Variants in DLGAP2 observed in about 807,000 individuals in gnomAD.
The protein encoded by DLGAP2 is disks large-associated protein 2.
In DLGAP2, 26 loss-of-function variants were observed where a neutral mutation model predicts 100.3. That is an observed-to-expected ratio of 0.26 (90% CI 0.19 to 0.36). The LOEUF (loss-of-function observed/expected upper bound fraction) is 0.36, where lower values mean the gene tolerates loss of function less well. Ranked by LOEUF, DLGAP2 falls within the 10% of genes least tolerant of loss-of-function variation. DLGAP2 has a pLI of 1.00. For synonymous variants in DLGAP2, 886 were observed against 630.1 expected (o/e 1.41, Z -6.08); for missense variants, 1,858 against 1,453.2 (o/e 1.28, Z -4.53).
At chr8:1,073,018 A>G (rs929839993) in intron 2 of DLGAP2, among the ~76,000 whole-genome samples, 30 of 152,094 alleles carry the variant, frequency 2.0e-4, no homozygotes, top group African/African-American at 7.0e-4. Context: ...TGTACCTCTC[A>G]TTTGTACCTC....
At chr8:1,642,252 G>A (rs113297358) in intron 8 of DLGAP2, among the ~76,000 whole-genome samples, 2 of 72,812 alleles carry the variant, frequency 2.7e-5, no homozygotes, top group Non-Finnish European at 2.4e-5. Flanking sequence ...CCTCGACCCC[G>A]CCGGCCCTCA....
intron 3 of DLGAP2, among the ~76,000 whole-genome samples, chr8:1,330,994 A>G (rs549366528): frequency 3.0e-5 from 4 of 132,148 alleles, no homozygotes; most frequent in African/African-American, 5.3e-5. Context: ...GGGTGGGAGC[A>G]CCGCTTCATG....
chr8:1,141,408 T>G (rs1002126811), intron 2 of DLGAP2, among the ~76,000 whole-genome samples: 16 of 152,180 alleles, frequency 1.1e-4, no homozygotes, highest in Non-Finnish European at 2.2e-4. Context: ...ATTTTATGCT[T>G]AAAAACTCAC....
intron 1 of DLGAP2, among the ~76,000 whole-genome samples, chr8:901,521 C>G (rs78792384): frequency 0.14 from 20,566 of 152,118 alleles, 1,513 homozygotes; most frequent in East Asian, 0.31. Context: ...GGGGCGCAGG[C>G]GGAACATCCA....
At chr8:931,849 T>G (rs920551286) in intron 2 of DLGAP2, among the ~76,000 whole-genome samples, 4 of 152,166 alleles carry the variant, frequency 2.6e-5, no homozygotes, top group African/African-American at 9.7e-5. Context: ...AACAACATAA[T>G]GTATGTAAAA....
intron 2 of DLGAP2, among the ~76,000 whole-genome samples, chr8:1,252,654 C>G (rs532056320): frequency 6.6e-6 from 1 of 152,252 alleles, no homozygotes; most frequent in Non-Finnish European, 1.5e-5. Flanking sequence ...GTCATGGTTT[C>G]GTGCTCTGTG....
chr8:1,158,230 A>C (rs528367002), intron 2 of DLGAP2, among the ~76,000 whole-genome samples: 1 of 152,346 alleles, frequency 6.6e-6, no homozygotes, highest in Non-Finnish European at 1.5e-5. Context: ...GGCCAATATA[A>C]CTTTTTGAAT....
intron 2 of DLGAP2, among the ~76,000 whole-genome samples, chr8:1,167,911 A>G (rs1042402917): frequency 1.1e-4 from 16 of 152,074 alleles, no homozygotes; most frequent in African/African-American, 3.6e-4. Flanking sequence ...TTTAAGTTTT[A>G]GGGTACATGT....
At chr8:1,491,963 G>T (rs1799403875) in intron 3 of DLGAP2, among the ~76,000 whole-genome samples, 1 of 152,222 alleles carries the variant, frequency 6.6e-6, no homozygotes, top group South Asian at 2.1e-4. Flanking sequence ...AGTGCACCTG[G>T]TGACTGGAGC....
In DLGAP2 at chr8:904,591, C is replaced by T. The variant is rs142093317; in HGVS notation, c.19-3321C>T. On this transcript the variant is annotated intron_variant, in intron 1 of 14. Coordinates refer to ENST00000637795, the MANE Select transcript of DLGAP2 (RefSeq NM_001346810.2). ...CTGACCCGGGGGTGCTTCTTCTCCA[C>T]GTTCTGTGATTCTGCTTTCCTCAGA... Among the ~76,000 whole-genome samples the T allele has an allele frequency of 6.5e-3, 988 of 152,324 alleles. 16 individuals carry two copies. Among genetic ancestry groups the T allele is most frequent in the African/African-American group, 0.023 (956 of 41,582 alleles).
At chr8:1,392,221 G>C (rs185230117) in intron 3 of DLGAP2, among the ~76,000 whole-genome samples, 1 of 152,140 alleles carries the variant, frequency 6.6e-6, no homozygotes, top group Admixed American at 6.5e-5. Context: ...TGGACGGGGC[G>C]GCCTTGAAGT....
rs1459534518 is a variant in DLGAP2, at chr8:1,624,416, C to T, written c.1443-2324C>T. ...GCTCGGGCTCCATAGCTCGGGGCTT[C>T]GTCCGCTGCACATGACTCTGTATTA... On this transcript the variant is annotated intron_variant, in intron 6 of 14. Coordinates refer to ENST00000637795, the MANE Select transcript of DLGAP2 (RefSeq NM_001346810.2). 4.6e-5 allele frequency among the ~76,000 whole-genome samples: 7 copies of T among 152,090 alleles called. No homozygotes were observed. In the East Asian group the frequency reaches 1.2e-3, roughly 25 times the overall value.
At chr8:1,334,331 C>G (rs1048530763) in intron 3 of DLGAP2, among the ~76,000 whole-genome samples, 2 of 152,214 alleles carry the variant, frequency 1.3e-5, no homozygotes, top group Non-Finnish European at 2.9e-5. Context: ...ACCCAGCGTT[C>G]CTGGCGTCGG....
intron 1 of DLGAP2, among the ~76,000 whole-genome samples, chr8:893,913 C>T (rs1361090710): frequency 6.6e-6 from 1 of 152,238 alleles, no homozygotes; most frequent in East Asian, 1.9e-4. Flanking sequence ...CCCATGGTTA[C>T]TGTTGAAGCA....
chr8:1,411,627 T>C (rs36084381), intron 3 of DLGAP2, among the ~76,000 whole-genome samples: 42,763 of 152,152 alleles, frequency 0.28, 6,247 homozygotes, highest in East Asian at 0.4. Context: ...CCTCCTGGCC[T>C]GGTTTATCCT....
In DLGAP2 at chr8:1,706,807, G is replaced by C. The variant is rs1041930041; in HGVS notation, c.*5401G>C. ...AATCAGACACACTGACTCAAACCAC[G>C]CAAGGGTTTGAGAAGCCCACCCCTC... On this transcript the variant is annotated 3_prime_UTR_variant, in exon 15 of 15. Coordinates refer to ENST00000637795, the MANE Select transcript of DLGAP2 (RefSeq NM_001346810.2). The C allele has an allele frequency of 5.3e-5, 8 of 152,170 alleles. No homozygotes were observed. Among genetic ancestry groups the C allele is most frequent in the African/African-American group, 1.9e-4 (8 of 41,438 alleles). 9.4% of individuals were successfully genotyped at this position (152,170 alleles called of 1,614,324 possible).
Position 1,417,726 on chromosome 8 carries a change from G to GGGGGC in DLGAP2, c.107-83640_107-83639insGGGGC, listed in dbSNP as rs1796967566. On this transcript the variant is annotated intron_variant, in intron 3 of 14. Transcript: ENST00000637795. Reference sequence around the variant, plus strand: ...TCCTGCCTCACTCGGCGAGGCTCCAGACACAGAAGCCCACGGAGACCTATG... The same window carrying GGGGGC: ...TCCTGCCTCACTCGGCGAGGCTCCAGGGGGCACACAGAAGCCCACGGAGACCTATG... 3.4e-4 allele frequency among the ~76,000 whole-genome samples: 48 copies of GGGGGC among 142,588 alleles called. 6 individuals carry two copies. The highest frequency in any genetic ancestry group is 8.6e-4 in the African/African-American group (33 of 38,250). The allele number at this position is 142,588 out of a possible 152,430, so 93.5% of individuals were successfully genotyped here. A position where few individuals can be genotyped will look rare whatever the true frequency, so the allele number is the denominator to read the frequency against.
At chr8:1,347,453 G>A (rs1045255643) in intron 3 of DLGAP2, among the ~76,000 whole-genome samples, 4 of 152,004 alleles carry the variant, frequency 2.6e-5, no homozygotes, top group African/African-American at 7.3e-5. Flanking sequence ...TGGAAGTTGA[G>A]TTCCCATACA....
intron 2 of DLGAP2, among the ~76,000 whole-genome samples, chr8:950,899 C>T (rs1426244781): frequency 2.0e-5 from 3 of 152,110 alleles, no homozygotes; most frequent in East Asian, 3.9e-4. Context: ...GCTGGGATTA[C>T]AGACGTGAGC....
Sources: allele counts gnomAD v4.1 joint callset (sites outside exome capture counted in the v4.1 genomes callset), GRCh38; gene constraint gnomAD v4.1.1; transcripts MANE v1.5; gene names NCBI Gene and HGNC (gene_info 2026-07-23, HGNC 2026-07-21).